The following RORB variants were observed in gnomAD, a reference collection of about 807,000 sequenced individuals.
The protein encoded by RORB is nuclear receptor ROR-beta.
Under a neutral mutation model 59.1 loss-of-function variants are expected in RORB, and 6 were observed. That is an observed-to-expected ratio of 0.10 (90% CI 0.06 to 0.20). The LOEUF (loss-of-function observed/expected upper bound fraction) is 0.20. Ranked by LOEUF, RORB falls within the 10% of genes least tolerant of loss-of-function variation. The pLI, the probability that RORB is intolerant of heterozygous loss-of-function variation, is 1.00. For missense variants in RORB, 320 were observed against 560.5 expected (o/e 0.57, Z 4.33); for synonymous variants, 215 against 204.5 (o/e 1.05, Z -0.44).
chr9:74,554,106 G>A (rs898479834), intron 1 of RORB, among the ~76,000 whole-genome samples: 6 of 152,112 alleles, frequency 3.9e-5, no homozygotes, highest in African/African-American at 1.4e-4. Flanking sequence ...CCTTTCGTTG[G>A]GAGATCTCAG....
At chr9:74,505,276 A>G (rs183131068) in intron 1 of RORB, among the ~76,000 whole-genome samples, 1 of 152,192 alleles carries the variant, frequency 6.6e-6, no homozygotes, top group Admixed American at 6.5e-5. Context: ...ATCTGTTCTG[A>G]AAACTTTGTC....
intron 1 of RORB, among the ~76,000 whole-genome samples, chr9:74,572,114 G>A (rs1389981724): frequency 6.6e-6 from 1 of 152,128 alleles, no homozygotes; most frequent in Non-Finnish European, 1.5e-5. Context: ...ATTCCCTAGA[G>A]TAACTATTAT....
intron 1 of RORB, among the ~76,000 whole-genome samples, chr9:74,572,864 C>T (rs17612183): frequency 0.077 from 11,790 of 152,198 alleles, 582 homozygotes; most frequent in Middle Eastern, 0.13. Context: ...ATTTTCCCTT[C>T]GTGTGTGGCA....
At chr9:74,517,331 G>A (rs970089842) in intron 1 of RORB, among the ~76,000 whole-genome samples, 4 of 151,850 alleles carry the variant, frequency 2.6e-5, no homozygotes, top group African/African-American at 9.7e-5. Context: ...CTGACATCAG[G>A]AGATCTAAAT....
chr9:74,503,334 G>A (rs927937884), intron 1 of RORB, among the ~76,000 whole-genome samples: 16 of 151,958 alleles, frequency 1.1e-4, no homozygotes, highest in Admixed American at 6.6e-4. Context: ...CTTTGGAGGC[G>A]TCTGTTGATA....
chr9:74,607,257 T>C (rs1823162837), intron 1 of RORB, among the ~76,000 whole-genome samples: 1 of 152,214 alleles, frequency 6.6e-6, no homozygotes, highest in African/African-American at 2.4e-5. Context: ...TCTTATGTTA[T>C]CAATTTCTTT....
In RORB at chr9:74,534,612, T is replaced by C. The variant is rs369160820; in HGVS notation, c.7+36629T>C. Among the ~76,000 whole-genome samples the C allele has an allele frequency of 3.3e-5, 5 of 151,842 alleles. No homozygotes were observed. The East Asian group carries it at 9.7e-4, about 30-fold the overall frequency. ...GCAGTCTGGAAAAAGTCAGACTGAG[T>C]TCTGGGTGAGCCTGCCTGTCCACCC... On this transcript the variant is annotated intron_variant, in intron 1 of 9. Coordinates refer to ENST00000376896, the MANE Select transcript of RORB (RefSeq NM_006914.4).
intron 1 of RORB, among the ~76,000 whole-genome samples, chr9:74,533,301 C>G (rs1826274876): frequency 6.6e-6 from 1 of 151,978 alleles, no homozygotes; most frequent in Non-Finnish European, 1.5e-5. Context: ...CATATTTATG[C>G]AAAATTTTGC....
intron 1 of RORB, among the ~76,000 whole-genome samples, chr9:74,557,223 A>G (rs1389580143): frequency 6.6e-6 from 1 of 152,174 alleles, no homozygotes; most frequent in African/African-American, 2.4e-5. Context: ...CAGTCATCAC[A>G]TGGCATTCTC....
chr9:74,642,159 AATAC>A (rs1823818409), intron 3 of RORB, among the ~76,000 whole-genome samples: 1 of 152,208 alleles, frequency 6.6e-6, no homozygotes, highest in Non-Finnish European at 1.5e-5. Context: ...GGCAATGAGA[AATAC>A]ATACATAAGT....
intron 1 of RORB, among the ~76,000 whole-genome samples, chr9:74,509,705 TTGAC>T (rs1467119726): frequency 2.6e-5 from 4 of 152,084 alleles, no homozygotes; most frequent in South Asian, 2.1e-4. Flanking sequence ...TTTTGTCTGA[TTGAC>T]TGAGACTGGA....
At chr9:74,636,585 C>T (rs1823707499) in intron 3 of RORB, among the ~76,000 whole-genome samples, 1 of 152,122 alleles carries the variant, frequency 6.6e-6, no homozygotes, top group Non-Finnish European at 1.5e-5. Flanking sequence ...TTCATTGCAG[C>T]ACATAAACCT....
In RORB at chr9:74,679,758, C is replaced by G. The variant is rs3793520; in HGVS notation, c.1225-5705C>G. ...AAGAGTTGTCCATCAGATTAATGGT[C>G]TGTAAATTAGAAGAAAGGTTTTGAT... On this transcript the variant is annotated intron_variant, in intron 9 of 9. Transcript: ENST00000376896. Among the ~76,000 whole-genome samples, 261 of 152,168 alleles carry G rather than the reference C, an allele frequency of 1.7e-3. 11 individuals are homozygous for G. In the East Asian group the frequency reaches 0.031, roughly 18 times the overall value.
Position 74,590,956 on chromosome 9 carries a change from C to T in RORB, c.8-39326C>T, listed in dbSNP as rs1470552233. Among the ~76,000 whole-genome samples, 8 of 152,040 alleles carry T rather than the reference C, an allele frequency of 5.3e-5. 1 individual carries two copies. The highest frequency in any genetic ancestry group is 1.4e-4 in the African/African-American group (6 of 41,382). ...GACTACAGGCGCATGCCACCAGGCC[C>T]AGCTAACTTTTTGTATTTTTAGTAC... On this transcript the variant is annotated intron_variant, in intron 1 of 9. Coordinates refer to ENST00000376896, the MANE Select transcript of RORB (RefSeq NM_006914.4).
In RORB at chr9:74,667,896, C is replaced by G; in HGVS notation, c.1106C>G (p.Ser369Cys). 1 of 1,590,190 alleles carries G rather than the reference C, an allele frequency of 6.3e-7. No individual in the cohort carries two copies. The highest frequency in any genetic ancestry group is 8.6e-7 in the Non-Finnish European group (1 of 1,158,174). ...TTGTTCTCATCTGCTGTTCTGATATCTCCAGGTAGGGCAGTCTCAGTTCTC... is the reference window on the plus strand; with the variant it reads ...TTGTTCTCATCTGCTGTTCTGATATGTCCAGGTAGGGCAGTCTCAGTTCTC... The part of the protein sequence containing the change: ...IALFSSAVLI[S>C]PDRAWLIEPR... Residue 369 changes from serine (S) to cysteine (C), a missense_variant, in exon 8 of 10, where the codon TCT becomes TGT. Physicochemically the swap from Ser to Cys is moderately radical, Grantham distance 112 (BLOSUM62 -1). Coordinates refer to ENST00000376896, the MANE Select transcript of RORB (RefSeq NM_006914.4).
intron 1 of RORB, among the ~76,000 whole-genome samples, chr9:74,518,585 T>C (rs534556295): frequency 6.6e-6 from 1 of 152,156 alleles, no homozygotes; most frequent in South Asian, 2.1e-4. Flanking sequence ...GCCACGATCC[T>C]CATTTCTGAA....
chr9:74,576,599 T>C (rs1323476751), intron 1 of RORB, among the ~76,000 whole-genome samples: 1 of 152,092 alleles, frequency 6.6e-6, no homozygotes, highest in Non-Finnish European at 1.5e-5. Flanking sequence ...AACCTCTGGA[T>C]TTCATTTTGG....
intron 1 of RORB, among the ~76,000 whole-genome samples, chr9:74,515,227 C>T (rs1021692468): frequency 6.6e-6 from 1 of 151,422 alleles, no homozygotes; most frequent in Non-Finnish European, 1.5e-5. Flanking sequence ...TCAGTTAATC[C>T]TCACAGCAAA....
At chr9:74,655,126 T>G (rs1824059258) in intron 4 of RORB, among the ~76,000 whole-genome samples, 1 of 152,202 alleles carries the variant, frequency 6.6e-6, no homozygotes, top group Non-Finnish European at 1.5e-5. Context: ...GCCCACATAC[T>G]CTTAGTAAAT....
Sources: allele counts gnomAD v4.1 joint callset (sites outside exome capture counted in the v4.1 genomes callset), GRCh38; gene constraint gnomAD v4.1.1; transcripts MANE v1.5; gene names NCBI Gene and HGNC (gene_info 2026-07-23, HGNC 2026-07-21).